KCNQ3: variants seen among roughly 807,000 people sequenced by gnomAD.
KCNQ3 encodes the protein potassium voltage-gated channel subfamily Q member 3.
KCNQ3 carries 30 observed loss-of-function variants against 92.5 expected under a neutral mutation model. That is an observed-to-expected ratio of 0.32 (90% CI 0.24 to 0.44). The LOEUF (loss-of-function observed/expected upper bound fraction) is 0.44. Among genes scored for constraint, KCNQ3 ranks in the 20% least tolerant of loss-of-function variants. The pLI, the probability that KCNQ3 is intolerant of heterozygous loss-of-function variation, is 1.00. For missense variants in KCNQ3, 913 were observed against 1,140.3 expected, an observed-to-expected ratio of 0.80 and a Z score of 2.87; for synonymous variants, 450 against 468.8, an observed-to-expected ratio of 0.96 and a Z score of 0.52.
At chr8:132,300,183 A>G (rs1817170660) in intron 1 of KCNQ3, among the ~76,000 whole-genome samples, 2 of 152,248 alleles carry the variant, frequency 1.3e-5, no homozygotes, top group Admixed American at 6.5e-5. Flanking sequence ...GAAAGAAAGG[A>G]CAAGACAAGA....
At chr8:132,181,398 AT>A (rs1050003381) in intron 3 of KCNQ3, among the ~76,000 whole-genome samples, 1 of 152,148 alleles carries the variant, frequency 6.6e-6, no homozygotes, top group Non-Finnish European at 1.5e-5. Context: ...AGTGTCACTA[AT>A]TTTTTTATTG....
intron 1 of KCNQ3, among the ~76,000 whole-genome samples, chr8:132,312,460 G>A (rs377615411): frequency 6.6e-6 from 1 of 152,038 alleles, no homozygotes; most frequent in African/African-American, 2.4e-5. Context: ...TTGCCTTGGG[G>A]GTGAAGACAG....
intron 9 of KCNQ3, among the ~76,000 whole-genome samples, chr8:132,149,281 G>C (rs757249933): frequency 6.6e-6 from 1 of 152,238 alleles, no homozygotes; most frequent in Non-Finnish European, 1.5e-5. Context: ...TGCTTGCAGC[G>C]GGGAGGAGCC....
At chr8:132,271,134 A>G (rs1038316397) in intron 1 of KCNQ3, among the ~76,000 whole-genome samples, 10 of 152,224 alleles carry the variant, frequency 6.6e-5, no homozygotes, top group African/African-American at 2.4e-4. Context: ...GCTGTCATGG[A>G]GCTCATGTTA....
At chr8:132,154,550 T>C (rs540415221) in intron 9 of KCNQ3, among the ~76,000 whole-genome samples, 38 of 152,092 alleles carry the variant, frequency 2.5e-4, no homozygotes, top group Non-Finnish European at 5.3e-4. Context: ...GATGTACTTC[T>C]TTAGAGGAGG....
At chr8:132,301,580 G>T (rs770763230) in intron 1 of KCNQ3, among the ~76,000 whole-genome samples, 88 of 152,318 alleles carry the variant, frequency 5.8e-4, no homozygotes, top group Middle Eastern at 3.4e-3. Flanking sequence ...AGGGTGAAGT[G>T]AGAATGATGG....
At chr8:132,231,276 G>A (rs530640967) in intron 1 of KCNQ3, among the ~76,000 whole-genome samples, 2 of 152,290 alleles carry the variant, frequency 1.3e-5, no homozygotes, top group East Asian at 3.9e-4. Context: ...CACTCAGTTT[G>A]TGGTAAGTTG....
chr8:132,181,304 G>C (rs1257672794), intron 3 of KCNQ3, among the ~76,000 whole-genome samples: 1 of 152,016 alleles, frequency 6.6e-6, no homozygotes, highest in Non-Finnish European at 1.5e-5. Context: ...GAGTTACCAA[G>C]TAAAAAAGAC....
intron 1 of KCNQ3, among the ~76,000 whole-genome samples, chr8:132,234,945 G>A (rs368816076): frequency 2.2e-4 from 33 of 152,178 alleles, no homozygotes; most frequent in Admixed American, 5.2e-4. Context: ...ATCACATTCC[G>A]TGGTGATGGT....
intron 1 of KCNQ3, among the ~76,000 whole-genome samples, chr8:132,346,866 G>A (rs916069380): frequency 7.2e-5 from 11 of 152,180 alleles, no homozygotes; most frequent in Admixed American, 2.0e-4. Context: ...AATACAAAAC[G>A]GCTGTTTTGT....
At chr8:132,148,309 C>T (rs1358206447) in intron 9 of KCNQ3, among the ~76,000 whole-genome samples, 1 of 151,976 alleles carries the variant, frequency 6.6e-6, no homozygotes, top group Non-Finnish European at 1.5e-5. Flanking sequence ...GCTCTTGGCT[C>T]ACTGCAACCT....
intron 1 of KCNQ3, among the ~76,000 whole-genome samples, chr8:132,238,254 T>G (rs1378650110): frequency 6.6e-6 from 1 of 152,084 alleles, no homozygotes; most frequent in African/African-American, 2.4e-5. Context: ...CTCTCCCTCC[T>G]AGATAAGCAA....
chr8:132,132,328 G>T, intron 13 of KCNQ3, 64 bp from the exon 14 acceptor site: 1 of 1,312,488 alleles, frequency 7.6e-7, no homozygotes, highest in Non-Finnish European at 1.1e-6. Context: ...AGGTAATTTC[G>T]GCTAGGCAGG....
At chr8:132,132,752 C>T (rs971639691) in intron 13 of KCNQ3, among the ~76,000 whole-genome samples, 21 of 152,184 alleles carry the variant, frequency 1.4e-4, no homozygotes, top group African/African-American at 5.1e-4. Flanking sequence ...AAATCTTGAA[C>T]ATGATGCAAA....
At chr8:132,339,425 G>C (rs1391018906) in intron 1 of KCNQ3, among the ~76,000 whole-genome samples, 1 of 152,062 alleles carries the variant, frequency 6.6e-6, no homozygotes, top group African/African-American at 2.4e-5. Flanking sequence ...GGAATGCTTT[G>C]CTCTTTACCA....
chr8:132,307,534 A>G (rs1296141860), intron 1 of KCNQ3, among the ~76,000 whole-genome samples: 3 of 152,212 alleles, frequency 2.0e-5, no homozygotes, highest in East Asian at 1.9e-4. Context: ...TTATCATTTC[A>G]TCTTTAAAAA....
At chr8:132,262,035 A>G (rs1188471120) in intron 1 of KCNQ3, among the ~76,000 whole-genome samples, 1 of 152,252 alleles carries the variant, frequency 6.6e-6, no homozygotes, top group African/African-American at 2.4e-5. Context: ...ATTAAAAAGA[A>G]TAAAGTACTG....
chr8:132,410,675 C>G (rs551461274), intron 1 of KCNQ3, among the ~76,000 whole-genome samples: 15 of 152,346 alleles, frequency 9.8e-5, no homozygotes, highest in Middle Eastern at 3.4e-3. Flanking sequence ...TCTAACGTTA[C>G]CTTTCACTAC....
chr8:132,169,127 T>C (rs1235803971), intron 8 of KCNQ3, among the ~76,000 whole-genome samples: 3 of 152,184 alleles, frequency 2.0e-5, no homozygotes, highest in African/African-American at 7.2e-5. Flanking sequence ...CTCTGCTAGC[T>C]TCTCTGAAAG....
Sources: gnomAD v4.1 joint callset for allele counts (sites outside exome capture counted in the v4.1 genomes callset) on GRCh38, gnomAD v4.1.1 for gene constraint, MANE v1.5 for transcripts, NCBI Gene and HGNC (gene_info 2026-07-23, HGNC 2026-07-21) for gene names.